CCDC178: variants seen among roughly 807,000 people sequenced by gnomAD.
CCDC178 encodes coiled-coil domain containing 178, also known as coiled-coil domain-containing protein 178.
CCDC178 carries 126 observed loss-of-function variants against 117.4 expected under a neutral mutation model. The ratio of observed to expected loss-of-function variants is 1.07; its 90% CI spans 0.93 to 1.24. The LOEUF is 1.24. Ranked by LOEUF, CCDC178 falls within the 50% of genes most tolerant of loss-of-function variation. The pLI is 0.00. For missense variants in CCDC178, 1,030 were observed against 986.9 expected (o/e 1.04, Z -0.59); for synonymous variants, 283 against 313.4 (o/e 0.90, Z 1.02).
chr18:33,216,457 A>T (rs1357387568), intron 18 of CCDC178, among the ~76,000 whole-genome samples: 1 of 152,030 alleles, frequency 6.6e-6, no homozygotes, highest in African/African-American at 2.4e-5. Flanking sequence ...TTCAAATGGA[A>T]CTGAGTGACT....
chr18:33,172,907 C>T (rs1180510817), intron 20 of CCDC178, among the ~76,000 whole-genome samples: 1 of 152,094 alleles, frequency 6.6e-6, no homozygotes, highest in African/African-American at 2.4e-5. Context: ...TTTTTAATAA[C>T]TGATATATAT....
intron 2 of CCDC178, among the ~76,000 whole-genome samples, chr18:33,423,401 C>A (rs529054610): frequency 3.9e-5 from 6 of 152,210 alleles, no homozygotes; most frequent in Non-Finnish European, 8.8e-5. Context: ...CTATTTAGGG[C>A]ACGTTTTTAG....
chr18:33,047,283 G>A (rs980975442), intron 21 of CCDC178, among the ~76,000 whole-genome samples: 1 of 152,090 alleles, frequency 6.6e-6, no homozygotes, highest in Non-Finnish European at 1.5e-5. Flanking sequence ...GATGTCCCAG[G>A]GCAGATTTTA....
At chr18:33,339,623 C>T (rs944389738) in intron 9 of CCDC178, among the ~76,000 whole-genome samples, 5 of 151,906 alleles carry the variant, frequency 3.3e-5, no homozygotes, top group Non-Finnish European at 5.9e-5. Flanking sequence ...TCCCAGAATT[C>T]CCACATGTTG....
intron 3 of CCDC178, among the ~76,000 whole-genome samples, chr18:33,404,186 C>A (rs2063750168): frequency 6.6e-6 from 1 of 152,048 alleles, no homozygotes; most frequent in Non-Finnish European, 1.5e-5. Flanking sequence ...AAGAATGAGT[C>A]ATGGACCTTA....
intron 22 of CCDC178, among the ~76,000 whole-genome samples, chr18:32,961,418 G>T (rs2054700653): frequency 6.6e-6 from 1 of 151,892 alleles, no homozygotes; most frequent in African/African-American, 2.4e-5. Context: ...CAACCATATT[G>T]AGCTTGGTGT....
At chr18:33,005,816 A>G (rs1450008486) in intron 21 of CCDC178, among the ~76,000 whole-genome samples, 3 of 152,052 alleles carry the variant, frequency 2.0e-5, no homozygotes, top group Non-Finnish European at 1.5e-5. Context: ...GTACACAAAG[A>G]AAGTAATGAT....
chr18:33,173,028 CA>C (rs1346671865), intron 20 of CCDC178, among the ~76,000 whole-genome samples: 1 of 151,924 alleles, frequency 6.6e-6, no homozygotes, highest in Non-Finnish European at 1.5e-5. Context: ...AAAATCCTTG[CA>C]ATATTTTAGA....
At chr18:33,308,437 G>T (rs2062288543) in intron 11 of CCDC178, among the ~76,000 whole-genome samples, 1 of 152,118 alleles carries the variant, frequency 6.6e-6, no homozygotes, top group Admixed American at 6.5e-5. Context: ...TAACTAACTT[G>T]CTTTTGATTT....
intron 21 of CCDC178, among the ~76,000 whole-genome samples, chr18:32,988,425 G>T (rs1161071999): frequency 1.3e-5 from 2 of 152,100 alleles, no homozygotes; most frequent in Admixed American, 6.6e-5. Flanking sequence ...TACGGAGTAA[G>T]ACTCCATCTC....
intron 21 of CCDC178, among the ~76,000 whole-genome samples, chr18:33,053,792 T>C (rs1231768556): frequency 1.3e-5 from 2 of 152,184 alleles, no homozygotes; most frequent in Non-Finnish European, 2.9e-5. Flanking sequence ...GTTATGTAAA[T>C]TTTAAAATAC....
chr18:33,438,912 C>T (rs1398392880), intron 2 of CCDC178, among the ~76,000 whole-genome samples: 1 of 152,090 alleles, frequency 6.6e-6, no homozygotes, highest in Non-Finnish European at 1.5e-5. Context: ...ACTGAGTAGA[C>T]AAATATGGAT....
At chr18:33,225,645 T>A (rs1381452025) in intron 16 of CCDC178, among the ~76,000 whole-genome samples, 1 of 152,192 alleles carries the variant, frequency 6.6e-6, no homozygotes, top group Non-Finnish European at 1.5e-5. Context: ...TCGTGGAATA[T>A]ATGCAAGTAC....
chr18:33,356,808 T>C (rs1206971525), intron 6 of CCDC178, among the ~76,000 whole-genome samples: 1 of 152,150 alleles, frequency 6.6e-6, no homozygotes, highest in Non-Finnish European at 1.5e-5. Flanking sequence ...CAAAATATAC[T>C]TCTTTGACAT....
chr18:33,335,712 TA>T (rs760726402), intron 9 of CCDC178, among the ~76,000 whole-genome samples: 76 of 152,054 alleles, frequency 5.0e-4, no homozygotes, highest in Non-Finnish European at 8.5e-4. Flanking sequence ...TTGCTTTCTT[TA>T]AAAAAGTTTC....
At chr18:32,952,701 T>C (rs2054514093) in intron 22 of CCDC178, among the ~76,000 whole-genome samples, 1 of 152,134 alleles carries the variant, frequency 6.6e-6, no homozygotes, top group Non-Finnish European at 1.5e-5. Context: ...ATTTCTGTAG[T>C]AGATTTGAAT....
chr18:33,376,285 G>A (rs1409123122), intron 5 of CCDC178, among the ~76,000 whole-genome samples: 1 of 152,116 alleles, frequency 6.6e-6, no homozygotes, highest in Non-Finnish European at 1.5e-5. Context: ...GAGGGGCGGG[G>A]AGGGCGTGAG....
Position 33,278,913 on chromosome 18 carries a change from G to A in CCDC178, c.1177-11616C>T, listed in dbSNP as rs544701523. Among the ~76,000 whole-genome samples the A allele has an allele frequency of 1.8e-3, 280 of 152,210 alleles. 1 individual carries two copies. Among genetic ancestry groups the A allele is most frequent in the Middle Eastern group, 6.8e-3 (2 of 294 alleles). ...TTTGACAAAATTCAACAACGTTCAT[G>A]CTAAAAACTCTCAATAAATTAGGTA... On this transcript the variant is annotated intron_variant, in intron 12 of 22. Transcript: ENST00000383096.
intron 5 of CCDC178, 70 bp downstream of exon 5, chr18:33,389,470 A>G (rs1036688338): frequency 4.7e-6 from 3 of 641,246 alleles, no homozygotes; most frequent in Non-Finnish European, 7.2e-6. Context: ...TAGTATTGAC[A>G]TTATAGACTA....
Sources: gnomAD v4.1 joint callset for allele counts (sites outside exome capture counted in the v4.1 genomes callset) on GRCh38, gnomAD v4.1.1 for gene constraint, MANE v1.5 for transcripts, NCBI Gene and HGNC (gene_info 2026-07-23, HGNC 2026-07-21) for gene names.